Variants in PPP4R2 observed in about 807,000 individuals in gnomAD.
PPP4R2 encodes protein phosphatase 4 regulatory subunit 2.
Under a neutral mutation model 47.2 loss-of-function variants are expected in PPP4R2, and 13 were observed. That is an observed-to-expected ratio of 0.28 (90% CI 0.18 to 0.44). The LOEUF (loss-of-function observed/expected upper bound fraction) is 0.44, where lower values mean the gene tolerates loss of function less well. Ranked by LOEUF, PPP4R2 falls within the 20% of genes least tolerant of loss-of-function variation. PPP4R2 has a pLI of 1.00. For missense variants in PPP4R2, 421 were observed against 491.2 expected, an observed-to-expected ratio of 0.86 and a Z score of 1.35; for synonymous variants, 151 against 163.3, an observed-to-expected ratio of 0.92 and a Z score of 0.57.
At chr3:73,054,815 G>A (rs2107324894) in intron 3 of PPP4R2, among the ~76,000 whole-genome samples, 1 of 152,172 alleles carries the variant, frequency 6.6e-6, no homozygotes, top group African/African-American at 2.4e-5. Context: ...TGTCAACTTA[G>A]TACTTTTATA....
At chr3:73,063,929 A>G (rs760820839) in intron 6 of PPP4R2, 74 bp from the exon 7 acceptor site, 47 of 1,326,420 alleles carry the variant, frequency 3.5e-5, no homozygotes, top group Non-Finnish European at 4.9e-5. Context: ...TCTGTGATGT[A>G]TTCACATCAA....
At chr3:73,056,466 T>TA (rs1255945190) in intron 3 of PPP4R2, among the ~76,000 whole-genome samples, 2 of 152,242 alleles carry the variant, frequency 1.3e-5, no homozygotes, top group Non-Finnish European at 2.9e-5. Flanking sequence ...TCATTTATCA[T>TA]ACTAATATTT....
chr3:73,034,587 C>G (rs995881735), intron 2 of PPP4R2, among the ~76,000 whole-genome samples: 2 of 152,148 alleles, frequency 1.3e-5, no homozygotes, highest in African/African-American at 4.8e-5. Context: ...GGCTGCAGTG[C>G]AGTGGCACAG....
rs372033749 is a variant in PPP4R2, at chr3:73,000,024, TG to T, written c.116+1867del. Among the ~76,000 whole-genome samples the T allele has an allele frequency of 6.2e-4, 94 of 152,312 alleles. 2 individuals carry two copies. In the East Asian group the frequency reaches 0.017, roughly 27 times the overall value. Reference sequence around the variant, plus strand: ...AGTATGTGAGATTGTAACGAGAGAATGAAAATGAAAATTTAAAGAACAGCAA... The same window carrying T: ...AGTATGTGAGATTGTAACGAGAGAATAAAATGAAAATTTAAAGAACAGCAA... On this transcript the variant is annotated intron_variant, in intron 2 of 8. Coordinates refer to ENST00000356692, the MANE Select transcript of PPP4R2 (RefSeq NM_174907.4).
At chr3:73,023,327 CG>C in intron 2 of PPP4R2, among the ~76,000 whole-genome samples, 1 of 151,860 alleles carries the variant, frequency 6.6e-6, no homozygotes. Flanking sequence ...GCTCAGATTA[CG>C]GGCATGCGCC....
At chr3:73,021,900 ATTTTTT>A (rs775338491) in intron 2 of PPP4R2, among the ~76,000 whole-genome samples, 9 of 114,750 alleles carry the variant, frequency 7.8e-5, no homozygotes, top group Admixed American at 6.2e-4. Context: ...ATATATATAT[ATTTTTT>A]TTTTTTTTTT....
At chr3:73,047,977 A>C (rs1360675126) in intron 3 of PPP4R2, among the ~76,000 whole-genome samples, 1 of 152,172 alleles carries the variant, frequency 6.6e-6, no homozygotes, top group Non-Finnish European at 1.5e-5. Context: ...CCTGGGTTCA[A>C]GCAATTCTCC....
chr3:73,050,433 A>G (rs1702587112), intron 3 of PPP4R2, among the ~76,000 whole-genome samples: 1 of 151,972 alleles, frequency 6.6e-6, no homozygotes, highest in African/African-American at 2.4e-5. Flanking sequence ...TGTTTACAAA[A>G]TGTTCAATTT....
chr3:72,999,535 A>G (rs994494229), intron 2 of PPP4R2, among the ~76,000 whole-genome samples: 2 of 152,198 alleles, frequency 1.3e-5, no homozygotes, highest in Admixed American at 6.5e-5. Context: ...CTATTTGGAG[A>G]TGAGTACTTA....
At chr3:73,049,085 T>C (rs1702554675) in intron 3 of PPP4R2, among the ~76,000 whole-genome samples, 1 of 152,176 alleles carries the variant, frequency 6.6e-6, no homozygotes, top group African/African-American at 2.4e-5. Flanking sequence ...TTTAAAATTT[T>C]TCAGAAAAAG....
chr3:73,006,757 T>G (rs1301101600), intron 2 of PPP4R2, among the ~76,000 whole-genome samples: 1 of 152,186 alleles, frequency 6.6e-6, no homozygotes, highest in African/African-American at 2.4e-5. Flanking sequence ...ATTGCTAGAG[T>G]TGGCAAAATC....
chr3:73,021,061 G>A (rs1701950107), intron 2 of PPP4R2, among the ~76,000 whole-genome samples: 1 of 151,996 alleles, frequency 6.6e-6, no homozygotes, highest in Admixed American at 6.6e-5. Flanking sequence ...AGTCTATGTT[G>A]CTTAATGTTT....
intron 2 of PPP4R2, among the ~76,000 whole-genome samples, chr3:73,030,968 C>T (rs1702155211): frequency 6.6e-6 from 1 of 151,966 alleles, no homozygotes; most frequent in Admixed American, 6.6e-5. Context: ...TCCCAAAATG[C>T]TGGGGTTACA....
chr3:73,041,392 G>C (rs1055085181), intron 2 of PPP4R2, among the ~76,000 whole-genome samples: 4 of 152,140 alleles, frequency 2.6e-5, no homozygotes, highest in Non-Finnish European at 4.4e-5. Context: ...TACTTTTGCA[G>C]ATCTTTCACT....
chr3:73,005,861 G>T (rs1164033522), intron 2 of PPP4R2, among the ~76,000 whole-genome samples: 2 of 150,238 alleles, frequency 1.3e-5, no homozygotes, highest in African/African-American at 4.9e-5. Context: ...TGTTATTGAG[G>T]TATAATTGAC....
chr3:73,019,638 T>A (rs947901572), intron 2 of PPP4R2, among the ~76,000 whole-genome samples: 3 of 152,208 alleles, frequency 2.0e-5, no homozygotes, highest in Non-Finnish European at 4.4e-5. Flanking sequence ...CTTCCCAAAG[T>A]GCTGGGATTA....
intron 2 of PPP4R2, among the ~76,000 whole-genome samples, chr3:73,008,010 A>G (rs932372994): frequency 3.3e-5 from 5 of 152,014 alleles, no homozygotes; most frequent in Admixed American, 6.6e-5. Flanking sequence ...TATTACAGAT[A>G]AAGGTCAAAC....
chr3:73,062,181 C>G, intron 5 of PPP4R2: 1 of 1,558,672 alleles, frequency 6.4e-7, no homozygotes, highest in Non-Finnish European at 8.7e-7. Context: ...ACCTATGATT[C>G]TTAACAAAAT....
At chr3:73,061,254 A>C (rs1040021134) in intron 5 of PPP4R2, 194 bp downstream of exon 5, 47 of 294,540 alleles carry the variant, frequency 1.6e-4, no homozygotes, top group African/African-American at 9.4e-4. Flanking sequence ...TTTTCCATTA[A>C]AGAGATTTGG....
Sources: gnomAD v4.1 joint callset for allele counts (sites outside exome capture counted in the v4.1 genomes callset) on GRCh38, gnomAD v4.1.1 for gene constraint, MANE v1.5 for transcripts, NCBI Gene and HGNC (gene_info 2026-07-23, HGNC 2026-07-21) for gene names.